The following CPNE4 variants were observed in gnomAD, a reference collection of about 807,000 sequenced individuals.
CPNE4 encodes copine 4.
CPNE4 carries 25 observed loss-of-function variants against 67.9 expected under a neutral mutation model. That is an observed-to-expected ratio of 0.37 (90% CI 0.27 to 0.51). The LOEUF (loss-of-function observed/expected upper bound fraction) is 0.51, where lower values mean the gene tolerates loss of function less well. CPNE4 is among the 20% of genes least tolerant of loss of function. The pLI is 0.93. For missense variants in CPNE4, 464 were observed against 690.8 expected, an observed-to-expected ratio of 0.67 and a Z score of 3.68; for synonymous variants, 242 against 244.9, an observed-to-expected ratio of 0.99 and a Z score of 0.11.
intron 2 of CPNE4, among the ~76,000 whole-genome samples, chr3:131,771,133 T>A (rs539749711): frequency 6.6e-6 from 1 of 152,302 alleles, no homozygotes; most frequent in South Asian, 2.1e-4. Flanking sequence ...ACTTCTTTAA[T>A]GCTATATCCT....
At chr3:131,800,600 G>A (rs2084065562) in intron 2 of CPNE4, among the ~76,000 whole-genome samples, 3 of 152,106 alleles carry the variant, frequency 2.0e-5, no homozygotes, top group Admixed American at 2.0e-4. Flanking sequence ...CCTGCATGAG[G>A]CCCTCCTACT....
At chr3:131,817,853 C>T (rs1437145357) in intron 2 of CPNE4, among the ~76,000 whole-genome samples, 1 of 152,124 alleles carries the variant, frequency 6.6e-6, no homozygotes, top group Non-Finnish European at 1.5e-5. Flanking sequence ...AACATTTTAC[C>T]ACCTCTCCTA....
chr3:131,631,712 T>C (rs781703043), intron 7 of CPNE4, among the ~76,000 whole-genome samples: 1 of 152,020 alleles, frequency 6.6e-6, no homozygotes, highest in Non-Finnish European at 1.5e-5. Context: ...GTATTTAGTA[T>C]TGATAAAACA....
chr3:131,568,084 T>C (rs770476843), intron 10 of CPNE4, among the ~76,000 whole-genome samples: 6 of 151,980 alleles, frequency 3.9e-5, no homozygotes, highest in Non-Finnish European at 7.4e-5. Context: ...GAAATAGGCT[T>C]ATGATTCTTA....
intron 2 of CPNE4, among the ~76,000 whole-genome samples, chr3:131,824,501 T>C (rs1318855390): frequency 6.6e-6 from 1 of 152,150 alleles, no homozygotes; most frequent in Non-Finnish European, 1.5e-5. Context: ...TATCCTTTTA[T>C]TGAATATGGA....
At position 131,973,527 on chromosome 3, in the gene CPNE4, AT is replaced by A. The variant is rs1285154070; in HGVS notation, c.-2+61039del. ...AGCACAGCTTTTAATGATAGATACT[AT>A]TATCATCTCCATTGGCAAACAAGGA... On this transcript the variant is annotated intron_variant, in intron 1 of 15. Transcript: ENST00000429747. Among the ~76,000 whole-genome samples, 4 of 152,344 alleles carry A rather than the reference AT, an allele frequency of 2.6e-5. No homozygotes were observed. In the East Asian group the frequency reaches 7.7e-4, roughly 29 times the overall value.
Position 131,965,969 on chromosome 3 carries a change from G to A in CPNE4, c.-1-60525C>T, listed in dbSNP as rs574277627. On this transcript the variant is annotated intron_variant, in intron 1 of 15. Transcript: ENST00000429747. ...TATTCTAAAATTGACCACATAATTC[G>A]AAGTAAAACACTCCTCAGCAAATGC... 1.7e-3 allele frequency among the ~76,000 whole-genome samples: 263 copies of A among 152,206 alleles called. 2 individuals carry two copies. The highest frequency in any genetic ancestry group is 3.3e-3 in the Non-Finnish European group (227 of 68,000).
At chr3:131,943,959 TTC>T (rs1401146065) in intron 1 of CPNE4, among the ~76,000 whole-genome samples, 1 of 152,124 alleles carries the variant, frequency 6.6e-6, no homozygotes, top group Non-Finnish European at 1.5e-5. Context: ...CATACCATTG[TTC>T]TCTCTGTTTT....
At chr3:131,654,257 T>A (rs77420251) in intron 7 of CPNE4, among the ~76,000 whole-genome samples, 10,307 of 152,222 alleles carry the variant, frequency 0.068, 359 homozygotes, top group African/African-American at 0.087. Flanking sequence ...TTGTTTTTTT[T>A]AATCTTTTAT....
chr3:131,791,861 G>A (rs1288148552), intron 2 of CPNE4, among the ~76,000 whole-genome samples: 9 of 152,120 alleles, frequency 5.9e-5, no homozygotes, highest in East Asian at 5.8e-4. Context: ...CCAACCCCAC[G>A]GCCACTTGGT....
chr3:132,011,169 G>C (rs1407403303), intron 1 of CPNE4, among the ~76,000 whole-genome samples: 1 of 152,206 alleles, frequency 6.6e-6, no homozygotes, highest in Admixed American at 6.6e-5. Context: ...TTGAGCCAAA[G>C]TGAACAGCCT....
intron 6 of CPNE4, among the ~76,000 whole-genome samples, chr3:131,682,687 G>A (rs191678870): frequency 1.3e-5 from 2 of 152,072 alleles, no homozygotes; most frequent in Admixed American, 1.3e-4. Context: ...ATCAGGAGAT[G>A]GCAAAGTCAG....
intron 11 of CPNE4, among the ~76,000 whole-genome samples, chr3:131,557,620 G>A (rs1391964695): frequency 2.0e-5 from 3 of 152,042 alleles, no homozygotes; most frequent in African/African-American, 7.2e-5. Context: ...GTCAATCCAG[G>A]CTTTGTGGTG....
intron 7 of CPNE4, among the ~76,000 whole-genome samples, chr3:131,604,904 A>G (rs1939410392): frequency 6.6e-6 from 1 of 152,110 alleles, no homozygotes; most frequent in Non-Finnish European, 1.5e-5. Flanking sequence ...AGTACCCTGT[A>G]TAGGTGACGC....
At chr3:131,636,951 A>G (rs935839224) in intron 7 of CPNE4, among the ~76,000 whole-genome samples, 1 of 152,182 alleles carries the variant, frequency 6.6e-6, no homozygotes, top group African/African-American at 2.4e-5. Context: ...CAATCACTAC[A>G]GTTCAGCTCT....
chr3:131,816,519 A>T (rs920373167), intron 2 of CPNE4, among the ~76,000 whole-genome samples: 4 of 152,184 alleles, frequency 2.6e-5, no homozygotes, highest in African/African-American at 7.2e-5. Context: ...TGAAAACTGC[A>T]GTTTTCTGAG....
chr3:131,620,783 T>A (rs1217367817), intron 7 of CPNE4, among the ~76,000 whole-genome samples: 2 of 152,154 alleles, frequency 1.3e-5, no homozygotes, highest in African/African-American at 2.4e-5. Context: ...AGGTAGCCTC[T>A]AGCAGCTGGA....
intron 6 of CPNE4, among the ~76,000 whole-genome samples, chr3:131,670,818 T>TTG (rs199943886): frequency 1.9e-3 from 58 of 29,968 alleles, no homozygotes; most frequent in Non-Finnish European, 3.0e-3. Flanking sequence ...AATTTTTTGT[T>TTG]TTTTTTTTTT....
At chr3:131,579,215 C>T (rs570571196) in intron 9 of CPNE4, among the ~76,000 whole-genome samples, 1 of 152,310 alleles carries the variant, frequency 6.6e-6, no homozygotes, top group East Asian at 1.9e-4. Flanking sequence ...TCTGCCCATG[C>T]TCTACAAATG....
Sources: gnomAD v4.1 joint callset for allele counts (sites outside exome capture counted in the v4.1 genomes callset) on GRCh38, gnomAD v4.1.1 for gene constraint, MANE v1.5 for transcripts, NCBI Gene and HGNC (gene_info 2026-07-23, HGNC 2026-07-21) for gene names.